Variants in PDE3A observed in about 807,000 individuals in gnomAD.
PDE3A encodes the protein cGMP-inhibited 3',5'-cyclic phosphodiesterase 3A.
Under a neutral mutation model 98.3 loss-of-function variants are expected in PDE3A, and 43 were observed. That is an observed-to-expected ratio of 0.44 (90% CI 0.34 to 0.56). The LOEUF is 0.56. Ranked by LOEUF, PDE3A falls within the 20% of genes least tolerant of loss-of-function variation. The pLI is 0.01. For missense variants in PDE3A, 1,427 were observed against 1,440.7 expected (o/e 0.99, Z 0.15); for synonymous variants, 663 against 567.9 (o/e 1.17, Z -2.38).
rs1245603472 is a variant in PDE3A at position 20,687,649 on chromosome 12, T to C, written c.*7378T>C. On this transcript the variant is annotated 3_prime_UTR_variant, in exon 16 of 16. Transcript: ENST00000359062. ...AACCCACCCACCCCCTGATATTTCT[T>C]CCTCAAGTTTTCTATCATGCAAATC... Among the ~76,000 whole-genome samples, 1 of 151,948 alleles carries C rather than the reference T, an allele frequency of 6.6e-6. No homozygotes were observed.
At chr12:20,415,541 G>T (rs1387510753) in intron 1 of PDE3A, among the ~76,000 whole-genome samples, 1 of 151,866 alleles carries the variant, frequency 6.6e-6, no homozygotes, top group Non-Finnish European at 1.5e-5. Flanking sequence ...GGGTTCAAGC[G>T]ATTCTCCCAT....
intron 1 of PDE3A, among the ~76,000 whole-genome samples, chr12:20,378,573 A>C (rs563469451): frequency 1.4e-4 from 22 of 151,880 alleles, no homozygotes; most frequent in Non-Finnish European, 1.5e-5. Context: ...AAAAAGATCA[A>C]AAGGCAATAG....
At chr12:20,560,171 C>T (rs539023884) in intron 2 of PDE3A, among the ~76,000 whole-genome samples, 1 of 152,258 alleles carries the variant, frequency 6.6e-6, no homozygotes, top group East Asian at 1.9e-4. Flanking sequence ...CTGATTAGAA[C>T]AAAGGGTGTC....
intron 15 of PDE3A, among the ~76,000 whole-genome samples, chr12:20,675,557 T>G (rs904563684): frequency 3.9e-5 from 6 of 152,228 alleles, no homozygotes; most frequent in African/African-American, 1.4e-4. Context: ...CCTTTAGATC[T>G]ATTAATGTTT....
chr12:20,533,895 C>A (rs1363481848), intron 1 of PDE3A, among the ~76,000 whole-genome samples: 1 of 152,252 alleles, frequency 6.6e-6, no homozygotes, highest in South Asian at 2.1e-4. Flanking sequence ...TTCAAAATTA[C>A]ATTCAGATTT....
chr12:20,496,848 A>G (rs1945929008), intron 1 of PDE3A, among the ~76,000 whole-genome samples: 1 of 152,198 alleles, frequency 6.6e-6, no homozygotes. Flanking sequence ...AAATAAATAT[A>G]TACTATATGA....
At chr12:20,610,615 A>C (rs1943825535) in intron 2 of PDE3A, among the ~76,000 whole-genome samples, 1 of 152,020 alleles carries the variant, frequency 6.6e-6, no homozygotes, top group Non-Finnish European at 1.5e-5. Context: ...AAATACCATA[A>C]GCATCTGTCC....
intron 1 of PDE3A, among the ~76,000 whole-genome samples, chr12:20,444,249 G>A (rs1202713998): frequency 2.6e-5 from 4 of 152,020 alleles, no homozygotes; most frequent in Non-Finnish European, 5.9e-5. Context: ...CTTTATCCCT[G>A]CTCTCTAGCT....
At chr12:20,450,598 A>G (rs746090481) in intron 1 of PDE3A, among the ~76,000 whole-genome samples, 33 of 152,240 alleles carry the variant, frequency 2.2e-4, no homozygotes, top group Non-Finnish European at 3.5e-4. Context: ...AAAATGGACA[A>G]TGCTCCTTTA....
At chr12:20,639,675 C>G (rs1303607388) in intron 9 of PDE3A, among the ~76,000 whole-genome samples, 171 bp from the exon 10 acceptor site, 4 of 152,088 alleles carry the variant, frequency 2.6e-5, no homozygotes, top group Non-Finnish European at 5.9e-5. Flanking sequence ...TTTCAATATA[C>G]AGCCTGCCTT....
chr12:20,477,479 T>G (rs1413760764), intron 1 of PDE3A, among the ~76,000 whole-genome samples: 3 of 151,708 alleles, frequency 2.0e-5, no homozygotes, highest in African/African-American at 4.8e-5. Flanking sequence ...GTTAAATACT[T>G]TTTTTTTGGT....
intron 2 of PDE3A, among the ~76,000 whole-genome samples, chr12:20,604,698 A>T (rs1943670973): frequency 1.3e-5 from 2 of 152,210 alleles, no homozygotes; most frequent in South Asian, 4.1e-4. Context: ...AAAGTAGAGA[A>T]TCATAAAAAT....
intron 1 of PDE3A, among the ~76,000 whole-genome samples, chr12:20,488,141 G>A (rs898015757): frequency 2.0e-5 from 3 of 152,016 alleles, no homozygotes; most frequent in African/African-American, 7.2e-5. Flanking sequence ...GGGGGCAAGA[G>A]GGGCACTATA....
intron 1 of PDE3A, among the ~76,000 whole-genome samples, chr12:20,429,835 A>G (rs1349701082): frequency 1.3e-5 from 2 of 151,364 alleles, no homozygotes; most frequent in Admixed American, 6.6e-5. Flanking sequence ...CATCAAATCC[A>G]TGTTCCATAC....
rs113677824 is a variant in PDE3A, at chr12:20,537,799, A to G, written c.961-18861A>G. Among the ~76,000 whole-genome samples, 1,148 of 151,604 alleles carry G rather than the reference A, an allele frequency of 7.6e-3. 20 individuals carry two copies. Among genetic ancestry groups the G allele is most frequent in the African/African-American group, 0.027 (1,107 of 41,322 alleles). On this transcript the variant is annotated intron_variant, in intron 1 of 15. Coordinates refer to ENST00000359062, the MANE Select transcript of PDE3A (RefSeq NM_000921.5). ...TACTTCAGAAATATTGTTTTAATCT[A>G]TTCTCTGAACTAGTTTTACCTGGCT... is the stretch of plus-strand genomic sequence containing the variant.
chr12:20,674,204 T>C (rs1479238436), intron 15 of PDE3A, among the ~76,000 whole-genome samples: 1 of 152,182 alleles, frequency 6.6e-6, no homozygotes, highest in Non-Finnish European at 1.5e-5. Context: ...TTATCAGATC[T>C]AAGAGTTTTT....
intron 1 of PDE3A, among the ~76,000 whole-genome samples, chr12:20,385,892 A>G (rs1293189287): frequency 6.9e-6 from 1 of 145,024 alleles, no homozygotes; most frequent in Non-Finnish European, 1.5e-5. Flanking sequence ...TACATATGGA[A>G]CAAAGCTGCA....
At chr12:20,402,792 C>T (rs1486516784) in intron 1 of PDE3A, among the ~76,000 whole-genome samples, 1 of 151,952 alleles carries the variant, frequency 6.6e-6, no homozygotes, top group African/African-American at 2.4e-5. Context: ...AGGTCTGTAT[C>T]CTAGTTGTAC....
rs1317513562 is a variant in PDE3A, at chr12:20,684,115, GAACT to G, written c.*3847_*3850del. 2 of 152,046 alleles carry G rather than the reference GAACT, an allele frequency of 1.3e-5. No individual in the cohort carries two copies. Among genetic ancestry groups the G allele is most frequent in the South Asian group, 2.1e-4 (1 of 4,822 alleles). The allele number at this position is 152,046 out of a possible 1,614,324, so 9.4% of individuals were successfully genotyped here. A position where few individuals can be genotyped will look rare whatever the true frequency, so the allele number is the denominator to read the frequency against. The stretch of plus-strand genomic sequence containing the variant: ...TTTGAAATTATTAATTTATAAAAGT[GAACT>G]AATTGTGTGATTATCAAATCCTGAT... On this transcript the variant is annotated 3_prime_UTR_variant, in exon 16 of 16. Coordinates refer to ENST00000359062, the MANE Select transcript of PDE3A (RefSeq NM_000921.5).
Sources: allele counts gnomAD v4.1 joint callset (sites outside exome capture counted in the v4.1 genomes callset), GRCh38; gene constraint gnomAD v4.1.1; transcripts MANE v1.5; gene names NCBI Gene and HGNC (gene_info 2026-07-23, HGNC 2026-07-21).